ANGPT1: variants seen among roughly 807,000 people sequenced by gnomAD.
ANGPT1 encodes the protein angiopoietin 1, also known as angiopoietin-1.
Under a neutral mutation model 62.2 loss-of-function variants are expected in ANGPT1, and 17 were observed. The ratio of observed to expected loss-of-function variants is 0.27; its 90% confidence interval spans 0.19 to 0.41. ANGPT1 has a LOEUF of 0.41. ANGPT1 is among the 10% of genes least tolerant of loss of function. The pLI, the probability that ANGPT1 is intolerant of heterozygous loss-of-function variation, is 1.00. For synonymous variants in ANGPT1, 199 were observed against 198.9 expected (o/e 1.00, Z 0.00); for missense variants, 478 against 594.9 (o/e 0.80, Z 2.04).
At chr8:107,318,771 C>T (rs1563566646) in intron 4 of ANGPT1, among the ~76,000 whole-genome samples, 3 of 151,994 alleles carry the variant, frequency 2.0e-5, no homozygotes, top group Admixed American at 1.3e-4. Flanking sequence ...GTATACACTG[C>T]AGAATGATCA....
chr8:107,384,268 G>A (rs1032397458), intron 1 of ANGPT1, among the ~76,000 whole-genome samples: 2 of 152,016 alleles, frequency 1.3e-5, no homozygotes, highest in African/African-American at 4.8e-5. Flanking sequence ...AGATACTCAG[G>A]TGACTCTAAA....
intron 1 of ANGPT1, among the ~76,000 whole-genome samples, chr8:107,361,945 G>A (rs1406057912): frequency 6.6e-6 from 1 of 152,070 alleles, no homozygotes; most frequent in Non-Finnish European, 1.5e-5. Flanking sequence ...TGTAATCACA[G>A]CTACTCAGAA....
At chr8:107,322,571 C>T (rs1437081946) in intron 3 of ANGPT1, among the ~76,000 whole-genome samples, 2 of 152,004 alleles carry the variant, frequency 1.3e-5, no homozygotes, top group African/African-American at 4.8e-5. Flanking sequence ...GTTTTCAAAA[C>T]GTTAACATTG....
At chr8:107,417,552 G>A (rs1038085412) in intron 1 of ANGPT1, among the ~76,000 whole-genome samples, 27 of 151,316 alleles carry the variant, frequency 1.8e-4, no homozygotes, top group African/African-American at 1.5e-4. Context: ...TTCATCCCCC[G>A]TTATTTTCAT....
At position 107,346,151 on chromosome 8, in the gene ANGPT1, C is replaced by A. The variant is rs555448535; in HGVS notation, c.453+791G>T. Among the ~76,000 whole-genome samples the A allele has an allele frequency of 2.0e-5, 3 of 152,184 alleles. No individual in the cohort carries two copies. The South Asian group carries it at 6.2e-4, about 32-fold the overall frequency. Reference sequence around the variant, plus strand: ...ACCAATCTACCTGTGATGCCAGTATCGCAAATGAAAGAAAATAGAAATCAT... The same window carrying A: ...ACCAATCTACCTGTGATGCCAGTATAGCAAATGAAAGAAAATAGAAATCAT... On this transcript the variant is annotated intron_variant, in intron 2 of 8. Transcript: ENST00000517746.
intron 4 of ANGPT1, among the ~76,000 whole-genome samples, chr8:107,315,299 T>C (rs924861546): frequency 6.6e-6 from 1 of 152,178 alleles, no homozygotes; most frequent in African/African-American, 2.4e-5. Context: ...GAATTAAGTA[T>C]ATAAACATGT....
At chr8:107,443,930 T>G (rs962510163) in intron 1 of ANGPT1, among the ~76,000 whole-genome samples, 1 of 152,018 alleles carries the variant, frequency 6.6e-6, no homozygotes, top group African/African-American at 2.4e-5. Context: ...AAACACAAAA[T>G]GAATTCTCGT....
At chr8:107,459,025 C>G (rs975393388) in intron 1 of ANGPT1, among the ~76,000 whole-genome samples, 1 of 152,048 alleles carries the variant, frequency 6.6e-6, no homozygotes, top group Non-Finnish European at 1.5e-5. Context: ...AGCATCGTCC[C>G]GCAACTTTCT....
intron 1 of ANGPT1, among the ~76,000 whole-genome samples, chr8:107,447,202 T>C (rs1294075464): frequency 1.3e-5 from 2 of 152,168 alleles, no homozygotes; most frequent in Non-Finnish European, 2.9e-5. Context: ...TTCCCCTAGA[T>C]TATATTTTCA....
At chr8:107,312,119 G>A (rs1814885720) in intron 4 of ANGPT1, among the ~76,000 whole-genome samples, 1 of 151,450 alleles carries the variant, frequency 6.6e-6, no homozygotes, top group South Asian at 2.1e-4. Context: ...GGTACAACTG[G>A]AAATACACAC....
chr8:107,307,239 T>C (rs1814740656), intron 4 of ANGPT1, among the ~76,000 whole-genome samples: 1 of 152,090 alleles, frequency 6.6e-6, no homozygotes, highest in East Asian at 1.9e-4. Flanking sequence ...GAGTCAGGAA[T>C]TTAATAATGG....
chr8:107,486,188 A>AT (rs2130531611), intron 1 of ANGPT1, among the ~76,000 whole-genome samples: 1 of 152,292 alleles, frequency 6.6e-6, no homozygotes, highest in East Asian at 1.9e-4. Context: ...CTACAGAAAA[A>AT]TTTTTTAGAA....
intron 1 of ANGPT1, among the ~76,000 whole-genome samples, chr8:107,484,605 T>G (rs546491717): frequency 6.6e-6 from 1 of 152,236 alleles, no homozygotes; most frequent in African/African-American, 2.4e-5. Flanking sequence ...AGACAGGGTT[T>G]CACCATGTTG....
intron 3 of ANGPT1, chr8:107,322,649 A>G: frequency 4.6e-6 from 1 of 218,946 alleles, no homozygotes; most frequent in Middle Eastern, 7.4e-4. Flanking sequence ...TCAGAAATAA[A>G]GAGAAAAATA....
At chr8:107,337,510 A>G (rs1815594945) in intron 2 of ANGPT1, among the ~76,000 whole-genome samples, 1 of 152,194 alleles carries the variant, frequency 6.6e-6, no homozygotes, top group Non-Finnish European at 1.5e-5. Context: ...AATTGTGTCA[A>G]TGCCCTGTTC....
chr8:107,274,505 C>A (rs1404248130), intron 7 of ANGPT1, among the ~76,000 whole-genome samples: 4 of 152,154 alleles, frequency 2.6e-5, no homozygotes, highest in Non-Finnish European at 4.4e-5. Context: ...TATAGAAATT[C>A]TTGCATATCA....
At chr8:107,470,521 C>A (rs1360751541) in intron 1 of ANGPT1, among the ~76,000 whole-genome samples, 2 of 152,024 alleles carry the variant, frequency 1.3e-5, no homozygotes, top group Non-Finnish European at 2.9e-5. Flanking sequence ...TTTGTAGATT[C>A]TAGATATTAG....
chr8:107,351,465 G>A (rs1815929260), intron 1 of ANGPT1, among the ~76,000 whole-genome samples: 1 of 151,980 alleles, frequency 6.6e-6, no homozygotes. Context: ...CAGAGTTGCG[G>A]GAAGTGTTCT....
At chr8:107,424,852 A>T (rs1810994769) in intron 1 of ANGPT1, among the ~76,000 whole-genome samples, 1 of 152,238 alleles carries the variant, frequency 6.6e-6, no homozygotes, top group Non-Finnish European at 1.5e-5. Flanking sequence ...TATCTCAAAC[A>T]GATTAGAAAA....
Sources: gnomAD v4.1 joint callset for allele counts (sites outside exome capture counted in the v4.1 genomes callset) on GRCh38, gnomAD v4.1.1 for gene constraint, MANE v1.5 for transcripts, NCBI Gene and HGNC (gene_info 2026-07-23, HGNC 2026-07-21) for gene names.